DMD: variants seen among roughly 807,000 people sequenced by gnomAD.
The protein encoded by DMD is dystrophin, also known as mutant dystrophin.
In DMD, 63 loss-of-function variants were observed where a neutral mutation model predicts 330.1. The observed-to-expected ratio is 0.19, with a 90% CI of 0.16 to 0.24. The LOEUF is 0.24. Ranked by LOEUF, DMD falls within the 10% of genes least tolerant of loss-of-function variation. The pLI, the probability that DMD is intolerant of heterozygous loss-of-function variation, is 1.00. For synonymous variants in DMD, 1,223 were observed against 959.8 expected (o/e 1.27, Z -5.07); for missense variants, 3,344 against 2,684.1 (o/e 1.25, Z -5.43).
At chrX:31,972,840 C>T (rs1283636576) in intron 44 of DMD, among the ~76,000 whole-genome samples, 1 of 111,339 alleles carries the variant, frequency 9.0e-6, no homozygotes, top group Non-Finnish European at 1.9e-5. Flanking sequence ...GGTGCAATTT[C>T]CTACAAATAT....
intron 54 of DMD, among the ~76,000 whole-genome samples, chrX:31,644,441 C>G (rs2079963076): frequency 8.9e-6 from 1 of 111,834 alleles, no homozygotes; most frequent in African/African-American, 3.3e-5. Flanking sequence ...AGGAAAGTCA[C>G]AGACTCTCTG....
intron 51 of DMD, among the ~76,000 whole-genome samples, chrX:31,773,724 C>CTTTTT (rs762551529): frequency 2.8e-4 from 15 of 53,536 alleles, no homozygotes; most frequent in African/African-American, 4.6e-4. Context: ...AAGGTTTCTG[C>CTTTTT]TTTTTTTTTT....
chrX:32,367,807 C>T (rs772685710), intron 34 of DMD, among the ~76,000 whole-genome samples: 3 of 111,664 alleles, frequency 2.7e-5, no homozygotes, highest in Non-Finnish European at 3.8e-5. Flanking sequence ...AAAAGATGTT[C>T]AATTTATCAC....
At chrX:31,674,467 G>C (rs1902244736) in intron 53 of DMD, among the ~76,000 whole-genome samples, 1 of 112,115 alleles carries the variant, frequency 8.9e-6, no homozygotes, top group Non-Finnish European at 1.9e-5. Context: ...TGAATTTCTT[G>C]CTTCAGATAG....
intron 17 of DMD, among the ~76,000 whole-genome samples, chrX:32,522,269 A>G (rs1298461410): frequency 5.4e-5 from 6 of 111,934 alleles, no homozygotes. Flanking sequence ...AATGTGACCA[A>G]AAATACCGCA....
chrX:32,271,123 G>C (rs907956284), intron 43 of DMD, among the ~76,000 whole-genome samples: 4 of 111,647 alleles, frequency 3.6e-5, no homozygotes, highest in Non-Finnish European at 5.7e-5. Flanking sequence ...ACACAGACTG[G>C]ACCATCCTTG....
At chrX:32,409,181 G>A (rs1036306711) in intron 30 of DMD, among the ~76,000 whole-genome samples, 5 of 111,508 alleles carry the variant, frequency 4.5e-5, no homozygotes, top group African/African-American at 1.6e-4. Flanking sequence ...TGGAGCAGAA[G>A]AATGTTTTAA....
At chrX:33,064,508 A>C (rs2094623094) in intron 1 of DMD, among the ~76,000 whole-genome samples, 1 of 112,449 alleles carries the variant, frequency 8.9e-6, no homozygotes, top group Admixed American at 9.5e-5. Context: ...ACACCACCGA[A>C]TATACTTGAT....
At chrX:32,550,807 A>T (rs928266381) in intron 16 of DMD, among the ~76,000 whole-genome samples, 2 of 111,105 alleles carry the variant, frequency 1.8e-5, no homozygotes, top group African/African-American at 3.3e-5. Context: ...GGATGTTACC[A>T]TTGACCCCAC....
At position 31,697,576 on chromosome X, in the gene DMD, A is replaced by C. The variant is rs186197941; in HGVS notation, c.7661-17990T>G. Among the ~76,000 whole-genome samples, 20 of 112,274 alleles carry C rather than the reference A, an allele frequency of 1.8e-4. No homozygotes were observed. The East Asian group carries it at 5.3e-3, about 30-fold the overall frequency. The stretch of plus-strand genomic sequence containing the variant: ...AAGAACCACAATATTGCAGAGAAAG[A>C]AACAGTTCAGTTGATTGAATACGAA... On this transcript the variant is annotated intron_variant, in intron 52 of 78. Coordinates refer to ENST00000357033, the MANE Select transcript of DMD (RefSeq NM_004006.3).
intron 62 of DMD, among the ~76,000 whole-genome samples, chrX:31,315,518 A>G (rs1241841336): frequency 1.8e-5 from 2 of 112,506 alleles, no homozygotes; most frequent in Non-Finnish European, 3.8e-5. Context: ...GTGCATGTTT[A>G]AGAAAGTTAG....
chrX:32,624,912 G>T (rs1474185188), intron 11 of DMD, among the ~76,000 whole-genome samples: 2 of 111,748 alleles, frequency 1.8e-5, no homozygotes, highest in Non-Finnish European at 3.8e-5. Flanking sequence ...GATGGCTCAC[G>T]CCTGTAATCT....
Position 31,244,532 on chromosome X carries a change from G to A in DMD, c.9286+16423C>T, listed in dbSNP as rs145269720. The stretch of plus-strand genomic sequence containing the variant: ...AGATTTCCTTCCATAAATTCAACAC[G>A]AATTTGACTTTTCTTTGTCACAATT... On this transcript the variant is annotated intron_variant, in intron 63 of 78. Coordinates refer to ENST00000357033, the MANE Select transcript of DMD (RefSeq NM_004006.3). Among the ~76,000 whole-genome samples the A allele has an allele frequency of 6.6e-3, 735 of 111,440 alleles. 42 individuals carry two copies. The East Asian group carries it at 0.13, about 20-fold the overall frequency.
intron 2 of DMD, among the ~76,000 whole-genome samples, chrX:32,852,331 G>A (rs954947814): frequency 9.9e-5 from 11 of 111,220 alleles, no homozygotes; most frequent in African/African-American, 3.6e-4. Context: ...ATCCAGTCCT[G>A]GTAGAATTCG....
intron 57 of DMD, among the ~76,000 whole-genome samples, chrX:31,492,926 A>T (rs1417952542): frequency 9.0e-6 from 1 of 110,988 alleles, no homozygotes; most frequent in Non-Finnish European, 1.9e-5. Flanking sequence ...CCTAATGTAG[A>T]TGACGGGTTG....
At chrX:32,921,438 A>G (rs1019027209) in intron 2 of DMD, among the ~76,000 whole-genome samples, 7 of 112,182 alleles carry the variant, frequency 6.2e-5, no homozygotes, top group African/African-American at 2.3e-4. Context: ...TTCACCAATC[A>G]TATTGGCAAA....
rs372983392 is a variant in DMD, at chrX:32,321,317, G to GA, written c.5923-11042dup. Among the ~76,000 whole-genome samples the GA allele has an allele frequency of 2.5e-3, 272 of 109,286 alleles. 2 individuals are homozygous for GA. The South Asian group carries it at 0.047, about 19-fold the overall frequency. 94.9% of individuals were successfully genotyped at this position (109,286 alleles called of 115,157 possible). On this transcript the variant is annotated intron_variant, in intron 41 of 78. Transcript: ENST00000357033. ...ATATGTATCAGGACCTCAAATTATGGAAAAAAAAATTGCAGGTGAAGAGAG... is the reference window on the plus strand; with the variant it reads ...ATATGTATCAGGACCTCAAATTATGGAAAAAAAAAATTGCAGGTGAAGAGAG...
chrX:32,571,879 A>G (rs1006619130), intron 15 of DMD, among the ~76,000 whole-genome samples: 3 of 101,689 alleles, frequency 3.0e-5, no homozygotes, highest in African/African-American at 1.2e-4. Context: ...TTCTCTTCTT[A>G]TCTTAATGCC....
At chrX:31,790,650 C>T (rs774813156) in intron 50 of DMD, among the ~76,000 whole-genome samples, 2 of 110,649 alleles carry the variant, frequency 1.8e-5, no homozygotes, top group East Asian at 5.7e-4. Flanking sequence ...TCTGGGAAAA[C>T]ACCATCATTT....
Sources: gnomAD v4.1 joint callset for allele counts (sites outside exome capture counted in the v4.1 genomes callset) on GRCh38, gnomAD v4.1.1 for gene constraint, MANE v1.5 for transcripts, NCBI Gene and HGNC (gene_info 2026-07-23, HGNC 2026-07-21) for gene names.